SDC2: variants seen among roughly 807,000 people sequenced by gnomAD.
The protein encoded by SDC2 is syndecan 2.
Under a neutral mutation model 22.2 loss-of-function variants are expected in SDC2, and 13 were observed. That is an observed-to-expected ratio of 0.59 (90% CI 0.38 to 0.93). The LOEUF is 0.93. Among genes scored for constraint, SDC2 ranks in the 40% least tolerant of loss-of-function variants. The pLI is 0.00. For missense variants in SDC2, 235 were observed against 246.8 expected, an observed-to-expected ratio of 0.95 and a Z score of 0.32; for synonymous variants, 94 against 92.8, an observed-to-expected ratio of 1.01 and a Z score of -0.07.
chr8:96,580,631 G>A (rs1329077350), intron 1 of SDC2: 3 of 604,178 alleles, frequency 5.0e-6, no homozygotes, highest in Non-Finnish European at 4.2e-6. Flanking sequence ...ATCCTCACAG[G>A]GCATGGGACA....
At chr8:96,605,411 C>G (rs1224231161) in intron 3 of SDC2, among the ~76,000 whole-genome samples, 2 of 152,192 alleles carry the variant, frequency 1.3e-5, no homozygotes, top group African/African-American at 4.8e-5. Context: ...ATTCTCTGAC[C>G]TGTTGTCTGT....
chr8:96,507,169 G>T (rs901848262), intron 1 of SDC2, among the ~76,000 whole-genome samples: 4 of 152,180 alleles, frequency 2.6e-5, no homozygotes, highest in African/African-American at 9.7e-5. Flanking sequence ...ATCCAGAGAG[G>T]TTAAGTGATT....
intron 1 of SDC2, among the ~76,000 whole-genome samples, chr8:96,498,482 T>C (rs199772082): frequency 6.7e-5 from 10 of 148,434 alleles, no homozygotes; most frequent in African/African-American, 1.2e-4. Flanking sequence ...TTTTTTTTTT[T>C]CCTCTTGAGA....
At chr8:96,603,006 C>T (rs939388517) in intron 3 of SDC2, among the ~76,000 whole-genome samples, 1 of 152,124 alleles carries the variant, frequency 6.6e-6, no homozygotes, top group Non-Finnish European at 1.5e-5. Context: ...TGACCTCTCT[C>T]GATGATGATG....
At chr8:96,593,675 A>G in intron 2 of SDC2, 84 bp downstream of exon 2, 2 of 886,342 alleles carry the variant, frequency 2.3e-6, no homozygotes, top group South Asian at 2.9e-5. Flanking sequence ...TCAAGGAGAC[A>G]GGCAGGATGC....
chr8:96,522,670 T>C (rs1813514664), intron 1 of SDC2, among the ~76,000 whole-genome samples: 2 of 152,196 alleles, frequency 1.3e-5, no homozygotes, highest in Non-Finnish European at 2.9e-5. Flanking sequence ...TATAAAACTA[T>C]TGGGGAAAAT....
intron 1 of SDC2, among the ~76,000 whole-genome samples, chr8:96,570,759 G>A (rs724235): frequency 0.31 from 46,670 of 152,082 alleles, 7,690 homozygotes; most frequent in African/African-American, 0.42. Flanking sequence ...TATATTTTAA[G>A]TGTTCATACG....
intron 1 of SDC2, among the ~76,000 whole-genome samples, chr8:96,561,814 T>C (rs1814214741): frequency 6.6e-6 from 1 of 152,218 alleles, no homozygotes; most frequent in South Asian, 2.1e-4. Flanking sequence ...GTTAATGGAA[T>C]GGCTGGATGG....
chr8:96,599,071 A>T (rs1442198319), intron 2 of SDC2, among the ~76,000 whole-genome samples: 1 of 150,188 alleles, frequency 6.7e-6, no homozygotes, highest in Non-Finnish European at 1.5e-5. Flanking sequence ...CCTCCCAAGT[A>T]GCTGGGACTA....
At position 96,541,545 on chromosome 8, in the gene SDC2, C is replaced by T. The variant is rs530977442; in HGVS notation, c.60+47214C>T. Among the ~76,000 whole-genome samples the T allele has an allele frequency of 6.1e-5, 9 of 146,722 alleles. No individual in the cohort carries two copies. The East Asian group carries it at 9.8e-4, about 16-fold the overall frequency. The stretch of plus-strand genomic sequence containing the variant: ...AAAAGAAGGAAATAATGCTACAACA[C>T]GGATGAACTTTGAGGACGTTATACT... On this transcript the variant is annotated intron_variant, in intron 1 of 4. Transcript: ENST00000302190.
At chr8:96,559,399 T>C (rs1343344784) in intron 1 of SDC2, among the ~76,000 whole-genome samples, 2 of 152,108 alleles carry the variant, frequency 1.3e-5, no homozygotes, top group East Asian at 3.8e-4. Flanking sequence ...TGACATGATG[T>C]TGTGGGGCCA....
intron 1 of SDC2, among the ~76,000 whole-genome samples, chr8:96,506,446 C>T (rs966185321): frequency 7.2e-5 from 11 of 152,020 alleles, no homozygotes; most frequent in African/African-American, 2.7e-4. Flanking sequence ...ATATTATACA[C>T]ATCATATATT....
rs576726042 is a variant in SDC2 at position 96,584,353 on chromosome 8, G to A, written c.61-9127G>A. On this transcript the variant is annotated intron_variant, in intron 1 of 4. Transcript: ENST00000302190. ...GTGGCATTCTGTCAGCCCTTGTATA[G>A]GGAGGAGAATATATGTGGTTATGCC... Among the ~76,000 whole-genome samples the A allele has an allele frequency of 2.6e-5, 4 of 152,314 alleles. No homozygotes were observed. The East Asian group carries it at 7.7e-4, about 29-fold the overall frequency.
rs1814596586 is a variant in SDC2, at chr8:96,581,924, C to G, written c.61-11556C>G. 3.3e-5 allele frequency among the ~76,000 whole-genome samples: 5 copies of G among 152,202 alleles called. No individual in the cohort carries two copies. The South Asian group carries it at 1.0e-3, about 32-fold the overall frequency. On this transcript the variant is annotated intron_variant, in intron 1 of 4. Coordinates refer to ENST00000302190, the MANE Select transcript of SDC2 (RefSeq NM_002998.4). ...AAAGTACTCATATACAGCACTTCAG[C>G]ACACCAACAGGAGTCCTTTCTAAAA... is the stretch of plus-strand genomic sequence containing the variant.
chr8:96,576,369 TTTTTGTTTTGTTTTG>T (rs962377849), intron 1 of SDC2, among the ~76,000 whole-genome samples: 1 of 27,514 alleles, frequency 3.6e-5, no homozygotes, highest in African/African-American at 1.0e-4. Flanking sequence ...TGGTAGTTTG[TTTTTGTTTTGTTTTG>T]TTTTTTTTTA....
At chr8:96,590,308 A>G (rs541997960) in intron 1 of SDC2, among the ~76,000 whole-genome samples, 1 of 152,344 alleles carries the variant, frequency 6.6e-6, no homozygotes, top group Admixed American at 6.5e-5. Flanking sequence ...CCCTACAGCC[A>G]GGCTGCAGCT....
intron 1 of SDC2, among the ~76,000 whole-genome samples, chr8:96,590,993 G>A (rs1025023412): frequency 2.0e-5 from 3 of 152,118 alleles, no homozygotes; most frequent in South Asian, 2.1e-4. Context: ...CAGGCCTGAC[G>A]GCTGTCCCAG....
intron 1 of SDC2, among the ~76,000 whole-genome samples, chr8:96,518,609 G>T (rs1187426475): frequency 5.3e-5 from 8 of 152,010 alleles, no homozygotes; most frequent in African/African-American, 1.7e-4. Flanking sequence ...CGCCCGCCTC[G>T]GCCTCCCAAA....
chr8:96,528,287 A>G (rs997624615), intron 1 of SDC2, among the ~76,000 whole-genome samples: 3 of 152,200 alleles, frequency 2.0e-5, no homozygotes, highest in Admixed American at 6.5e-5. Context: ...TAAGCCTAAA[A>G]GCCAAAAACT....
Sources: gnomAD v4.1 joint callset for allele counts (sites outside exome capture counted in the v4.1 genomes callset) on GRCh38, gnomAD v4.1.1 for gene constraint, MANE v1.5 for transcripts, NCBI Gene and HGNC (gene_info 2026-07-23, HGNC 2026-07-21) for gene names.